SUGCT: variants seen among roughly 807,000 people sequenced by gnomAD.
SUGCT encodes the protein succinyl-CoA:glutarate CoA-transferase.
SUGCT carries 41 observed loss-of-function variants against 55.0 expected under a neutral mutation model. That is an observed-to-expected ratio of 0.74 (90% CI 0.58 to 0.97). The LOEUF is 0.97. SUGCT is among the 50% of genes least tolerant of loss of function. The pLI, the probability that SUGCT is intolerant of heterozygous loss-of-function variation, is 0.00. For missense variants in SUGCT, 568 were observed against 547.8 expected, an observed-to-expected ratio of 1.04 and a Z score of -0.37; for synonymous variants, 187 against 200.4, an observed-to-expected ratio of 0.93 and a Z score of 0.56.
intron 7 of SUGCT, among the ~76,000 whole-genome samples, chr7:40,249,313 C>CTATCTATATCTATATATCTATCTATA (rs1324264789): frequency 1.3e-5 from 1 of 79,518 alleles, no homozygotes; most frequent in Non-Finnish European, 2.3e-5. Flanking sequence ...CACCAAAAAG[C>CTATCTATATCTATATATCTATCTATA]TATATATATA....
intron 12 of SUGCT, among the ~76,000 whole-genome samples, chr7:40,533,480 C>CT (rs1212979209): frequency 4.6e-5 from 7 of 151,954 alleles, no homozygotes; most frequent in African/African-American, 1.2e-4. Flanking sequence ...GTTTTGTAGA[C>CT]TTTTTTTGCA....
chr7:40,620,694 C>T (rs1347291638), intron 12 of SUGCT, among the ~76,000 whole-genome samples: 2 of 152,238 alleles, frequency 1.3e-5, no homozygotes, highest in African/African-American at 4.8e-5. Flanking sequence ...TGAGCCACCA[C>T]GCCCGGCCAA....
intron 6 of SUGCT, 112 bp from the exon 7 acceptor site, chr7:40,237,523 G>A: frequency 1.2e-6 from 1 of 825,830 alleles, no homozygotes; most frequent in Non-Finnish European, 2.1e-6. Flanking sequence ...AGATCTAATA[G>A]TCTCGAAATG....
chr7:40,697,813 C>G (rs1430004615), intron 12 of SUGCT, among the ~76,000 whole-genome samples: 2 of 152,196 alleles, frequency 1.3e-5, no homozygotes, highest in Non-Finnish European at 2.9e-5. Context: ...ATGGCTCATA[C>G]TACACCTTAT....
At chr7:40,403,537 C>G (rs1399204015) in intron 9 of SUGCT, among the ~76,000 whole-genome samples, 1 of 152,110 alleles carries the variant, frequency 6.6e-6, no homozygotes, top group Non-Finnish European at 1.5e-5. Flanking sequence ...TTTTAACTCT[C>G]AGTATGTTGG....
At chr7:40,220,345 G>A (rs1462716365) in intron 6 of SUGCT, among the ~76,000 whole-genome samples, 1 of 152,182 alleles carries the variant, frequency 6.6e-6, no homozygotes, top group African/African-American at 2.4e-5. Context: ...ATATTTATAT[G>A]CATCTGATAC....
chr7:40,172,681 C>T (rs1342098729), intron 1 of SUGCT, among the ~76,000 whole-genome samples: 3 of 152,102 alleles, frequency 2.0e-5, no homozygotes, highest in Non-Finnish European at 2.9e-5. Flanking sequence ...ACCATGATCT[C>T]GACCGGCCAA....
intron 12 of SUGCT, among the ~76,000 whole-genome samples, chr7:40,741,453 T>C (rs1024400938): frequency 2.6e-5 from 4 of 152,176 alleles, no homozygotes; most frequent in African/African-American, 7.2e-5. Context: ...AGTGATCAGA[T>C]TGGCAAAACC....
chr7:40,220,312 A>G (rs1391240920), intron 6 of SUGCT, among the ~76,000 whole-genome samples: 1 of 152,170 alleles, frequency 6.6e-6, no homozygotes, highest in Non-Finnish European at 1.5e-5. Context: ...TCTGGCTGTA[A>G]TGATATTCCC....
chr7:40,881,356 G>C, the SUGCT span, among the ~76,000 whole-genome samples: 7 of 152,140 alleles, frequency 4.6e-5, no homozygotes, highest in Non-Finnish European at 7.3e-5. Flanking sequence ...TCATATTTGT[G>C]TTCCATTCAT....
the SUGCT span, among the ~76,000 whole-genome samples, chr7:40,896,384 A>G: frequency 6.6e-6 from 1 of 152,194 alleles, no homozygotes; most frequent in Non-Finnish European, 1.5e-5. Flanking sequence ...AATATTGGTA[A>G]AATAGTCATA....
chr7:40,317,141 TTTC>T (rs1185017609), intron 9 of SUGCT, among the ~76,000 whole-genome samples: 25 of 99,948 alleles, frequency 2.5e-4, no homozygotes, highest in South Asian at 6.8e-4. Flanking sequence ...CTTTTTTTTT[TTTC>T]CCACCTAAAA....
At chr7:40,150,003 G>A (rs900288505) in intron 1 of SUGCT, among the ~76,000 whole-genome samples, 8 of 152,158 alleles carry the variant, frequency 5.3e-5, no homozygotes, top group African/African-American at 1.9e-4. Context: ...TGAGGTGGGA[G>A]AATGGCTTGA....
chr7:40,898,500 G>C, the SUGCT span, among the ~76,000 whole-genome samples: 105 of 118,240 alleles, frequency 8.9e-4, 5 homozygotes, highest in African/African-American at 3.0e-3. Flanking sequence ...GGGGGGGGTG[G>C]ATCACGAGGT....
At chr7:40,923,872 T>C in the SUGCT span, among the ~76,000 whole-genome samples, 1 of 152,222 alleles carries the variant, frequency 6.6e-6, no homozygotes, top group East Asian at 1.9e-4. Context: ...ATTTCCCTGC[T>C]GATGATAAAC....
intron 12 of SUGCT, among the ~76,000 whole-genome samples, chr7:40,603,246 A>C (rs1584107055): frequency 6.6e-6 from 1 of 152,222 alleles, no homozygotes; most frequent in South Asian, 2.1e-4. Context: ...GGATGTTAAG[A>C]GACTAAAAGG....
chr7:40,586,259 TA>T (rs1797372826), intron 12 of SUGCT, among the ~76,000 whole-genome samples: 1 of 152,198 alleles, frequency 6.6e-6, no homozygotes, highest in Non-Finnish European at 1.5e-5. Context: ...CTATGATGAT[TA>T]AAATATTCTA....
rs17171709 is a variant in SUGCT, at chr7:40,397,440, T to G, written c.817-51847T>G. Among the ~76,000 whole-genome samples the G allele has an allele frequency of 1.3e-4, 20 of 152,254 alleles. No individual in the cohort carries two copies. The East Asian group carries it at 3.7e-3, about 28-fold the overall frequency. On this transcript the variant is annotated intron_variant, in intron 9 of 13. Transcript: ENST00000335693. ...GGCACTTAGCTTATTTTGCCTTATG[T>G]TTTAGTTATTTGTGACTTCGACTTC...
chr7:40,224,997 G>C (rs1007891113), intron 6 of SUGCT, among the ~76,000 whole-genome samples: 1 of 152,208 alleles, frequency 6.6e-6, no homozygotes, highest in South Asian at 2.1e-4. Flanking sequence ...TACCATGAGG[G>C]AACAAGACCT....
Sources: gnomAD v4.1 joint callset for allele counts (sites outside exome capture counted in the v4.1 genomes callset) on GRCh38, gnomAD v4.1.1 for gene constraint, MANE v1.5 for transcripts, NCBI Gene and HGNC (gene_info 2026-07-23, HGNC 2026-07-21) for gene names.